The following CAPN5 variants were observed in gnomAD, a reference collection of about 807,000 sequenced individuals.
CAPN5 encodes the protein calpain-5.
CAPN5 carries 54 observed loss-of-function variants against 73.0 expected under a neutral mutation model. The observed-to-expected ratio is 0.74, with a 90% CI of 0.59 to 0.93. The LOEUF (loss-of-function observed/expected upper bound fraction) is 0.93. CAPN5 is among the 40% of genes least tolerant of loss of function. The probability of loss-of-function intolerance (pLI) is 0.00; values close to 1 mark genes in which losing one functional copy is unlikely to be tolerated. For synonymous variants in CAPN5, 335 were observed against 356.9 expected, an observed-to-expected ratio of 0.94 and a Z score of 0.69; for missense variants, 785 against 882.9, an observed-to-expected ratio of 0.89 and a Z score of 1.41.
At chr11:77,108,121 C>T (rs185824179) in intron 3 of CAPN5, among the ~76,000 whole-genome samples, 9 of 152,304 alleles carry the variant, frequency 5.9e-5, no homozygotes, top group South Asian at 2.1e-4. Flanking sequence ...GGTCACCAGC[C>T]GGTCAAGGCT....
At chr11:77,077,884 A>C (rs1237861) in intron 1 of CAPN5, among the ~76,000 whole-genome samples, 13 of 152,114 alleles carry the variant, frequency 8.5e-5, no homozygotes, top group Admixed American at 3.9e-4. Flanking sequence ...GTCTATTCAG[A>C]TCATTTGCCC....
chr11:77,124,052 A>G lies in CAPN5; in HGVS notation c.*182A>G. On this transcript the variant is annotated 3_prime_UTR_variant, in exon 13 of 13. Coordinates refer to ENST00000648180, the MANE Select transcript of CAPN5 (RefSeq NM_004055.5). Reference sequence around the variant, plus strand: ...CTCAGTGTCCCGAGGGCCCCGAAGCATTCCATTCTCGTGGAGGAGTTTCCT... The same window carrying G: ...CTCAGTGTCCCGAGGGCCCCGAAGCGTTCCATTCTCGTGGAGGAGTTTCCT... 2 of 610,006 alleles carry G rather than the reference A, an allele frequency of 3.3e-6. No individual in the cohort carries two copies. 37.8% of individuals were successfully genotyped at this position (610,006 alleles called of 1,614,324 possible). A position where few individuals can be genotyped will look rare whatever the true frequency, so the allele number is the denominator to read the frequency against.
intron 3 of CAPN5, chr11:77,103,056 G>A (rs1555039196): frequency 1.2e-6 from 2 of 1,613,596 alleles, no homozygotes; most frequent in Non-Finnish European, 8.5e-7. Flanking sequence ...TGTCGTGCTG[G>A]ACAAGCCGGG....
intron 1 of CAPN5, among the ~76,000 whole-genome samples, chr11:77,075,386 T>C (rs571370845): frequency 6.6e-6 from 1 of 152,260 alleles, no homozygotes; most frequent in South Asian, 2.1e-4. Flanking sequence ...GCTCCAAGTG[T>C]TGAGACACTC....
At position 77,122,708 on chromosome 11, in the gene CAPN5, T is replaced by C. The variant is rs1555043122; in HGVS notation, c.1736T>C (p.Val579Ala). The change falls in exon 12 of 13, where the codon GTA becomes GCA. Residue 579 changes from valine to alanine, a missense_variant. Val to Ala is a moderately conservative substitution (Grantham distance 64). Transcript: ENST00000648180. ...YRKKLSQPIT[V>A]QVWNHRVLKD... Reference sequence around the variant, plus strand: ...AAGAAGCTGAGCCAGCCCATCACTGTACAGGTGAGCCCCCTGGTCCAGAGG... The same window carrying C: ...AAGAAGCTGAGCCAGCCCATCACTGCACAGGTGAGCCCCCTGGTCCAGAGG... 6.2e-7 allele frequency: 1 copy of C among 1,613,466 alleles called. No individual in the cohort carries two copies. The highest frequency in any genetic ancestry group is 8.5e-7 in the Non-Finnish European group (1 of 1,179,954).
intron 2 of CAPN5, chr11:77,087,872 G>T: frequency 6.5e-7 from 1 of 1,533,656 alleles, no homozygotes; most frequent in Non-Finnish European, 8.7e-7. Flanking sequence ...CCTCTTGGGT[G>T]CCGACCTGGG....
chr11:77,093,513 G>C (rs1950173297), intron 2 of CAPN5, among the ~76,000 whole-genome samples, 169 bp from the exon 3 acceptor site: 1 of 152,180 alleles, frequency 6.6e-6, no homozygotes, highest in Admixed American at 6.5e-5. Context: ...GCGGGGAGCA[G>C]ATGGGCCCTA....
rs1555042694 is a variant in CAPN5 at position 77,120,823 on chromosome 11, C to T, written c.1401C>T (p.Arg467=). ...TGCGCACCGACCAGCCCGAGGGCCG[C>T]TATGTCATCATCCCCACAACCTTCG... ...VFLRTDQPEG[R]YVIIPTTFEP... The change falls in exon 10 of 13, where the codon CGC becomes CGT. Residue 467 remains arginine, a synonymous_variant. Coordinates refer to ENST00000648180, the MANE Select transcript of CAPN5 (RefSeq NM_004055.5). The T allele has an allele frequency of 3.1e-6, 5 of 1,614,106 alleles. No individual in the cohort carries two copies. Among genetic ancestry groups the T allele is most frequent in the Non-Finnish European group, 4.2e-6 (5 of 1,180,050 alleles).
intron 2 of CAPN5, among the ~76,000 whole-genome samples, chr11:77,089,605 T>G (rs1186282333): frequency 2.0e-5 from 3 of 152,170 alleles, no homozygotes; most frequent in Non-Finnish European, 4.4e-5. Context: ...TAAGCTGGGT[T>G]AGGACAGGTG....
intron 7 of CAPN5, 112 bp downstream of exon 7, chr11:77,116,415 C>T (rs1950469149): frequency 1.8e-5 from 14 of 785,786 alleles, no homozygotes; most frequent in Non-Finnish European, 3.1e-5. Context: ...GCCCCATCAT[C>T]AATTTGCTGT....
intron 8 of CAPN5, among the ~76,000 whole-genome samples, chr11:77,118,796 A>C (rs1445159059): frequency 6.6e-6 from 1 of 152,272 alleles, no homozygotes; most frequent in East Asian, 1.9e-4. Context: ...GTTGAGCACC[A>C]CCTGTGTGCC....
At chr11:77,104,409 G>C (rs148338682) in intron 3 of CAPN5, among the ~76,000 whole-genome samples, 26 of 152,308 alleles carry the variant, frequency 1.7e-4, no homozygotes, top group Admixed American at 1.7e-3. Context: ...ATGCAGCTGA[G>C]GGGGGCAGGG....
intron 11 of CAPN5, 43 bp from the exon 12 acceptor site, chr11:77,122,533 C>CCCCCCCCCCCCCCCCCCCCCCACA: frequency 8.1e-7 from 1 of 1,232,806 alleles, no homozygotes; most frequent in Non-Finnish European, 1.2e-6. Context: ...CTGCCACAGC[C>CCCCCCCCCCCCCCCCCCCCCCACA]CCCACCCCCA....
chr11:77,103,779 G>A (rs1009152190), intron 3 of CAPN5, among the ~76,000 whole-genome samples: 2 of 152,358 alleles, frequency 1.3e-5, no homozygotes, highest in South Asian at 4.1e-4. Context: ...CCAGCAAGCC[G>A]GCATTCACTG....
chr11:77,097,098 T>C (rs1453190589), intron 3 of CAPN5, among the ~76,000 whole-genome samples: 1 of 152,134 alleles, frequency 6.6e-6, no homozygotes, highest in African/African-American at 2.4e-5. Flanking sequence ...GGTGGGCGCC[T>C]GTAGTCCCAG....
At position 77,119,169 on chromosome 11, in the gene CAPN5, C is replaced by A. The variant is rs536742363; in HGVS notation, c.1290+17C>A. The A allele has an allele frequency of 8.6e-5, 138 of 1,600,262 alleles. 1 individual carries two copies. The South Asian group carries it at 1.5e-3, about 17-fold the overall frequency. On this transcript the variant is annotated intron_variant, in intron 9 of 12. Transcript: ENST00000648180. ...ATCTACAAGGTGAGGCCAGCCGGGT[C>A]CCCTGCCGTGGGTGGGGAGAGGGAG...
intron 1 of CAPN5, among the ~76,000 whole-genome samples, chr11:77,071,986 C>T (rs1477703620): frequency 6.6e-6 from 1 of 152,242 alleles, no homozygotes; most frequent in Non-Finnish European, 1.5e-5. Context: ...CCACGCCATA[C>T]TGGGCCCCGC....
At chr11:77,123,107 G>C (rs58972737) in intron 12 of CAPN5, among the ~76,000 whole-genome samples, 19,132 of 152,288 alleles carry the variant, frequency 0.13, 1,760 homozygotes, top group African/African-American at 0.25. Context: ...GGGATAGAAA[G>C]CCAGTGTCCT....
Position 77,089,050 on chromosome 11 carries a change from G to T in CAPN5, c.165+3999G>T, listed in dbSNP as rs557570540. 5.8e-4 allele frequency among the ~76,000 whole-genome samples: 88 copies of T among 152,322 alleles called. 1 individual carries two copies. The highest frequency in any genetic ancestry group is 2.1e-3 in the African/African-American group (87 of 41,580). ...TCCCAGGGACCTGTCTGTAGCCCCA[G>T]TGGAACCTGCCAAGCTTTGCTAAGC... On this transcript the variant is annotated intron_variant, in intron 2 of 12. Coordinates refer to ENST00000648180, the MANE Select transcript of CAPN5 (RefSeq NM_004055.5).
Sources: allele counts gnomAD v4.1 joint callset (sites outside exome capture counted in the v4.1 genomes callset), GRCh38; gene constraint gnomAD v4.1.1; transcripts MANE v1.5; gene names NCBI Gene and HGNC (gene_info 2026-07-23, HGNC 2026-07-21).